CLPX: variants seen among roughly 807,000 people sequenced by gnomAD.
The protein encoded by CLPX is caseinolytic mitochondrial matrix peptidase chaperone subunit X, also known as ATP-dependent clpX-like chaperone, mitochondrial.
CLPX carries 34 observed loss-of-function variants against 76.4 expected under a neutral mutation model. The ratio of observed to expected loss-of-function variants is 0.45; its 90% confidence interval spans 0.34 to 0.59. The LOEUF (loss-of-function observed/expected upper bound fraction) is 0.59. Ranked by LOEUF, CLPX falls within the 20% of genes least tolerant of loss-of-function variation. The pLI is 0.01. For missense variants in CLPX, 613 were observed against 757.0 expected (o/e 0.81, Z 2.23); for synonymous variants, 248 against 270.9 (o/e 0.92, Z 0.83).
intron 4 of CLPX, 105 bp from the exon 5 acceptor site, chr15:65,164,293 CAA>C (rs1016994173): frequency 1.1e-5 from 9 of 852,270 alleles, no homozygotes; most frequent in African/African-American, 1.0e-4. Flanking sequence ...TAAATCTGAA[CAA>C]AGACTCTCAT....
At position 65,185,109 on chromosome 15, in the gene CLPX, C is replaced by T. The variant is rs374002701; in HGVS notation, c.45G>A (p.Arg15=). Residue 15 remains arginine, a synonymous_variant, in exon 1 of 14, where the codon CGG becomes CGA. Transcript: ENST00000300107. ...CGGAGGCGAGTGAGGAGGTGATGAG[C>T]CGGACGGCCGCCGCGCCGCAAGTAC... ...GACTCGAAAV[R]LITSSLASAQ... 17 of 1,583,598 alleles carry T rather than the reference C, an allele frequency of 1.1e-5. No individual in the cohort carries two copies. Among genetic ancestry groups the T allele is most frequent in the Non-Finnish European group, 1.5e-5 (17 of 1,166,032 alleles).
Position 65,185,114 on chromosome 15 carries a change from C to G in CLPX, c.40G>C (p.Val14Leu). The change falls in exon 1 of 14, where the codon GTC becomes CTC. Residue 14 changes from valine (V) to leucine (L), a missense_variant. Physicochemically the swap from Val to Leu is conservative, Grantham distance 32. Around this residue, in one of 2 missense-constraint regions of CLPX, gnomAD observed 163 missense variants for 118.4 expected, o/e 1.38. Transcript: ENST00000300107. ...CGACTCGAAAVRLITSSLASA... is the reference protein window; with the variant it reads ...CGACTCGAAALRLITSSLASA... ...GCGAGTGAGGAGGTGATGAGCCGGA[C>G]GGCCGCCGCGCCGCAAGTACAAGCA... 6.3e-7 allele frequency: 1 copy of G among 1,582,360 alleles called. No homozygotes were observed. Among genetic ancestry groups the G allele is most frequent in the South Asian group, 1.2e-5 (1 of 86,324 alleles).
intron 1 of CLPX, among the ~76,000 whole-genome samples, chr15:65,181,209 AAAG>A (rs1017804384): frequency 1.2e-4 from 18 of 151,964 alleles, no homozygotes; most frequent in Admixed American, 1.2e-3. Context: ...AAAAAAAAAA[AAAG>A]TTCTTTAAAA....
At chr15:65,158,004 T>TAA in intron 7 of CLPX, 94 bp from the exon 8 acceptor site, 1 of 1,089,334 alleles carries the variant, frequency 9.2e-7, no homozygotes, top group Non-Finnish European at 1.3e-6. Flanking sequence ...TAGTATATAA[T>TAA]AAAAAGTTGT....
At position 65,150,387 on chromosome 15, in the gene CLPX, A is replaced by C. The variant is rs1348421666; in HGVS notation, c.*436T>G. The C allele has an allele frequency of 6.5e-6, 1 of 152,892 alleles. No individual in the cohort carries two copies. The highest frequency in any genetic ancestry group is 1.9e-4 in the East Asian group (1 of 5,208). The allele number at this position is 152,892 out of a possible 1,614,324, so 9.5% of individuals were successfully genotyped here. ...CTGGTCCAATTTTTAAGATGAATAA[A>C]ATTCCAATATTTTCAGAAACACATG... On this transcript the variant is annotated 3_prime_UTR_variant, in exon 14 of 14. Transcript: ENST00000300107.
Position 65,154,729 on chromosome 15 carries a change from T to C in CLPX, c.1611+53A>G, listed in dbSNP as rs563950637. The C allele has an allele frequency of 2.1e-5, 29 of 1,408,830 alleles. No homozygotes were observed. The South Asian group carries it at 2.8e-4, about 14-fold the overall frequency. 87.3% of individuals were successfully genotyped at this position (1,408,830 alleles called of 1,614,324 possible). A position where few individuals can be genotyped will look rare whatever the true frequency, so the allele number is the denominator to read the frequency against. ...TGTTGTTAGGTTAATTTATGTAGAA[T>C]TTCAATAGCAAGAAAATAAAAAATA... is the stretch of plus-strand genomic sequence containing the variant. On this transcript the variant is annotated intron_variant, in intron 11 of 13. Transcript: ENST00000300107.
rs150007907 is a variant in CLPX at position 65,185,113 on chromosome 15, A to C, written c.41T>G (p.Val14Gly). Reference protein sequence around the residue: ...CGACTCGAAAVRLITSSLASA... With the variant: ...CGACTCGAAAGRLITSSLASA... The stretch of plus-strand genomic sequence containing the variant: ...GGCGAGTGAGGAGGTGATGAGCCGG[A>C]CGGCCGCCGCGCCGCAAGTACAAGC... The change falls in exon 1 of 14, where the codon GTC becomes GGC. Residue 14 changes from valine (V) to glycine (G), a missense_variant. Transcript: ENST00000300107. The C allele has an allele frequency of 1.5e-5, 24 of 1,582,064 alleles. No homozygotes were observed. Among genetic ancestry groups the C allele is most frequent in the African/African-American group, 4.0e-5 (3 of 74,320 alleles).
intron 3 of CLPX, among the ~76,000 whole-genome samples, chr15:65,171,501 C>T (rs959581471): frequency 5.3e-5 from 8 of 151,734 alleles, no homozygotes; most frequent in African/African-American, 1.2e-4. Context: ...AAGGAATAAG[C>T]GGTTTCATCC....
intron 2 of CLPX, among the ~76,000 whole-genome samples, chr15:65,179,287 C>A (rs2088132029): frequency 6.6e-6 from 1 of 151,994 alleles, no homozygotes; most frequent in Admixed American, 6.6e-5. Flanking sequence ...ATAACATGTG[C>A]CAACATATAT....
At chr15:65,180,429 G>C (rs1304603788) in intron 1 of CLPX, among the ~76,000 whole-genome samples, 1 of 152,130 alleles carries the variant, frequency 6.6e-6, no homozygotes, top group Non-Finnish European at 1.5e-5. Flanking sequence ...GTTTCTTTCT[G>C]TATGTGTCCT....
At chr15:65,154,469 C>T (rs1207735413) in intron 11 of CLPX, among the ~76,000 whole-genome samples, 1 of 152,116 alleles carries the variant, frequency 6.6e-6, no homozygotes, top group Non-Finnish European at 1.5e-5. Flanking sequence ...TATGTCACAA[C>T]AAAAGCATTT....
chr15:65,170,537 G>A (rs903072137), intron 3 of CLPX, among the ~76,000 whole-genome samples: 1 of 152,060 alleles, frequency 6.6e-6, no homozygotes, highest in African/African-American at 2.4e-5. Context: ...GGCCGAGGCG[G>A]GTGGATCACC....
At chr15:65,157,725 C>A (rs370130335) in intron 8 of CLPX, 21 bp downstream of exon 8, 3 of 1,604,494 alleles carry the variant, frequency 1.9e-6, no homozygotes, top group East Asian at 2.2e-5. Context: ...AATCTGGGGA[C>A]AGACCATGCT....
At chr15:65,180,505 C>A (rs1036963624) in intron 1 of CLPX, among the ~76,000 whole-genome samples, 2 of 152,166 alleles carry the variant, frequency 1.3e-5, no homozygotes, top group Non-Finnish European at 2.9e-5. Flanking sequence ...TCAACATCTG[C>A]CTCACCTGTA....
chr15:65,183,794 C>T (rs1027265211), intron 1 of CLPX, among the ~76,000 whole-genome samples: 2 of 152,200 alleles, frequency 1.3e-5, no homozygotes, highest in Non-Finnish European at 2.9e-5. Context: ...TAGATTTAAA[C>T]ATGAGGGTGA....
chr15:65,164,116 T>G lies in CLPX; in HGVS notation c.586A>C (p.Asn196His), dbSNP rs760009249. 2 of 1,613,210 alleles carry G rather than the reference T, an allele frequency of 1.2e-6. No homozygotes were observed. The highest frequency in any genetic ancestry group is 1.7e-6 in the Non-Finnish European group (2 of 1,179,458). ...TTATTATATATTCTCTTATAATGAT[T>G]GTACACAGCAACTGAAAGCACCTTC... ...AKKVLSVAVY[N>H]HYKRIYNNIP... Residue 196 changes from asparagine to histidine, a missense_variant, in exon 5 of 14, where the codon AAT becomes CAT. This residue lies in a region of CLPX where 450 missense variants were observed against 638.6 expected (regional missense o/e 0.70). Transcript: ENST00000300107.
rs763400677 is a variant in CLPX at position 65,150,834 on chromosome 15, C to T, written c.1891G>A (p.Ala631Thr). 1.9e-6 allele frequency: 3 copies of T among 1,610,778 alleles called. No homozygotes were observed. In the East Asian group the frequency reaches 6.7e-5, roughly 36 times the overall value. The change falls in exon 14 of 14, where the codon GCA (alanine) becomes ACA (threonine). Residue 631 changes from alanine to threonine, a missense_variant. Physicochemically the swap from Ala to Thr is moderately conservative, Grantham distance 58 (BLOSUM62 0). This residue lies in a region of CLPX where 450 missense variants were observed against 638.6 expected (regional missense o/e 0.70). Coordinates refer to ENST00000300107, the MANE Select transcript of CLPX (RefSeq NM_006660.5). ...EEGWPRQADA[A>T]NS ...AGCAATATGACAGTTTAGCTGTTTG[C>T]AGCATCTGCTTGGCGGGGCCATCCT...
At chr15:65,167,211 C>G (rs979164128) in intron 3 of CLPX, among the ~76,000 whole-genome samples, 3 of 151,728 alleles carry the variant, frequency 2.0e-5, no homozygotes, top group Admixed American at 2.0e-4. Context: ...GCTGGGATTA[C>G]AGGGGTGCAC....
intron 13 of CLPX, 57 bp downstream of exon 13, chr15:65,152,373 G>T: frequency 1.5e-6 from 1 of 669,558 alleles, no homozygotes; most frequent in Admixed American, 3.0e-5. Flanking sequence ...AATAAACATA[G>T]CAATGAGGAG....
Sources: gnomAD v4.1 joint callset for allele counts (sites outside exome capture counted in the v4.1 genomes callset) on GRCh38, gnomAD v4.1.1 for gene constraint, gnomAD v4.1.1 regional missense constraint, MANE v1.5 for transcripts, NCBI Gene and HGNC (gene_info 2026-07-23, HGNC 2026-07-21) for gene names.